The following SKIL variants were observed in gnomAD, a reference collection of about 807,000 sequenced individuals.
SKIL encodes ski-like protein.
In SKIL, 20 loss-of-function variants were observed where a neutral mutation model predicts 69.6. The ratio of observed to expected loss-of-function variants is 0.29; its 90% CI spans 0.20 to 0.42. The LOEUF (loss-of-function observed/expected upper bound fraction) is 0.42. Among genes scored for constraint, SKIL ranks in the 10% least tolerant of loss-of-function variants. The probability of loss-of-function intolerance (pLI) is 1.00; values close to 1 mark genes in which losing one functional copy is unlikely to be tolerated. For synonymous variants in SKIL, 310 were observed against 279.9 expected (o/e 1.11, Z -1.08); for missense variants, 745 against 783.1 (o/e 0.95, Z 0.58).
chr3:170,369,975 A>T (rs1302796635), intron 2 of SKIL, among the ~76,000 whole-genome samples: 4 of 151,952 alleles, frequency 2.6e-5, no homozygotes, highest in Non-Finnish European at 5.9e-5. Flanking sequence ...GCGGTGGCTC[A>T]CGCCTGTAGT....
intron 2 of SKIL, among the ~76,000 whole-genome samples, chr3:170,363,214 T>G (rs1736331299): frequency 6.6e-6 from 1 of 152,202 alleles, no homozygotes; most frequent in Non-Finnish European, 1.5e-5. Context: ...TAAAGCATAT[T>G]AAATGACTGA....
At chr3:170,375,490 T>A (rs890179759) in intron 2 of SKIL, among the ~76,000 whole-genome samples, 14 of 152,248 alleles carry the variant, frequency 9.2e-5, no homozygotes, top group Admixed American at 9.2e-4. Flanking sequence ...TAGAATTTGC[T>A]TGATATTCTG....
At chr3:170,381,102 C>T (rs1335511426) in intron 2 of SKIL, 142 bp from the exon 3 acceptor site, 28 of 531,866 alleles carry the variant, frequency 5.3e-5, no homozygotes, top group Admixed American at 2.9e-5. Context: ...GCTGGGAATA[C>T]AGGTGTGAAC....
intron 6 of SKIL, among the ~76,000 whole-genome samples, chr3:170,392,035 C>T (rs1737951766): frequency 6.6e-6 from 1 of 152,188 alleles, no homozygotes; most frequent in Admixed American, 6.5e-5. Context: ...GCATAATGAA[C>T]ATGAACATGC....
intron 2 of SKIL, among the ~76,000 whole-genome samples, chr3:170,376,369 T>G (rs1577426938): frequency 6.6e-6 from 1 of 152,304 alleles, no homozygotes; most frequent in Non-Finnish European, 1.5e-5. Context: ...TAAATTTTAC[T>G]GATTTGTTAG....
In SKIL at chr3:170,390,365, GGAT is replaced by G. The variant is rs769607379; in HGVS notation, c.1576_1578del (p.Asp526del). On this transcript the variant is annotated inframe_deletion, in exon 5 of 7. Transcript: ENST00000259119. Reference sequence around the variant, plus strand: ...TTCTTGTGAAAGATGTCATTTGTGAGGATGATAAGGGAAAAATCATGGAAGAAG... The same window carrying G: ...TTCTTGTGAAAGATGTCATTTGTGAGGATAAGGGAAAAATCATGGAAGAAG... 9 of 1,613,750 alleles carry G rather than the reference GGAT, an allele frequency of 5.6e-6. No homozygotes were observed. The highest frequency in any genetic ancestry group is 2.2e-5 in the East Asian group (1 of 44,884).
chr3:170,395,010 TTC>T lies in SKIL; in HGVS notation c.*2595_*2596del, dbSNP rs201360710. 21 of 152,296 alleles carry T rather than the reference TTC, an allele frequency of 1.4e-4. No individual in the cohort carries two copies. In the East Asian group the frequency reaches 2.9e-3, roughly 21 times the overall value. The allele number at this position is 152,296 out of a possible 1,614,324, so 9.4% of individuals were successfully genotyped here. On this transcript the variant is annotated 3_prime_UTR_variant, in exon 7 of 7. Coordinates refer to ENST00000259119, the MANE Select transcript of SKIL (RefSeq NM_005414.5). Reference sequence around the variant, plus strand: ...TTTTTCCTCAGACTTCAAAAAATAATTCTTTTAAGAAAAAATGTAAAAATGTT... The same window carrying T: ...TTTTTCCTCAGACTTCAAAAAATAATTTTTAAGAAAAAATGTAAAAATGTT...
intron 1 of SKIL, chr3:170,358,457 C>G (rs1371465667): frequency 6.6e-6 from 1 of 152,516 alleles, no homozygotes; most frequent in Non-Finnish European, 1.5e-5. Flanking sequence ...CTCCCTCTCT[C>G]CGGGTTAGAG....
In SKIL at chr3:170,361,224, T is replaced by G; in HGVS notation, c.893T>G (p.Phe298Cys). 1 of 1,614,154 alleles carries G rather than the reference T, an allele frequency of 6.2e-7. No homozygotes were observed. Among genetic ancestry groups the G allele is most frequent in the Non-Finnish European group, 8.5e-7 (1 of 1,180,018 alleles). The change falls in exon 2 of 7, where the codon TTT (phenylalanine) becomes TGT (cysteine). Residue 298 changes from phenylalanine to cysteine, a missense_variant. Coordinates refer to ENST00000259119, the MANE Select transcript of SKIL (RefSeq NM_005414.5). ...CIQCLECCGM[F>C]APQTFVMHSH... is the part of the protein sequence containing the mutation. ...CAATGTCTGGAGTGTTGTGGAATGT[T>G]TGCACCCCAGACGTTTGTGATGCAT...
intron 4 of SKIL, 64 bp downstream of exon 4, chr3:170,384,829 T>G (rs1308529399): frequency 3.5e-6 from 3 of 862,180 alleles, no homozygotes; most frequent in Non-Finnish European, 5.4e-6. Context: ...TTGAGCATTT[T>G]CAAACAGGCT....
chr3:170,390,413 A>C lies in SKIL; in HGVS notation c.1620A>C (p.Lys540Asn). 6.2e-7 allele frequency: 1 copy of C among 1,613,236 alleles called. No individual in the cohort carries two copies. The highest frequency in any genetic ancestry group is 8.5e-7 in the Non-Finnish European group (1 of 1,179,160). The part of the protein sequence containing the change: ...IMEEVMRTYL[K>N]QQEKLNLILQ... ...AAGAAGTAATGAGAACTTATTTAAAACAACAGGAAAAACTAAACTTGATTT... is the reference window on the plus strand; with the variant it reads ...AAGAAGTAATGAGAACTTATTTAAACCAACAGGAAAAACTAAACTTGATTT... Residue 540 changes from lysine to asparagine, a missense_variant, in exon 5 of 7, where the codon AAA becomes AAC. Lys to Asn is a moderately conservative substitution (Grantham distance 94). Coordinates refer to ENST00000259119, the MANE Select transcript of SKIL (RefSeq NM_005414.5).
rs1577453982 is a variant in SKIL, at chr3:170,394,380, T to C, written c.*1963T>C. The stretch of plus-strand genomic sequence containing the variant: ...AAGGAAAAATCAGATATTTATGATA[T>C]AGTTTTATTTTAATTTTGAATTATT... On this transcript the variant is annotated 3_prime_UTR_variant, in exon 7 of 7. Coordinates refer to ENST00000259119, the MANE Select transcript of SKIL (RefSeq NM_005414.5). 1 of 152,148 alleles carries C rather than the reference T, an allele frequency of 6.6e-6. No individual in the cohort carries two copies. The highest frequency in any genetic ancestry group is 1.9e-4 in the East Asian group (1 of 5,204). The allele number at this position is 152,148 out of a possible 1,614,324, so 9.4% of individuals were successfully genotyped here.
Position 170,360,622 on chromosome 3 carries a change from T to G in SKIL, c.291T>G (p.Ser97Arg). 1 of 1,614,224 alleles carries G rather than the reference T, an allele frequency of 6.2e-7. No homozygotes were observed. ...CATTGGCACAATTCCATTTAAGTAG[T>G]CAGAGCTCGCTGGGTGGACCAGCAG... is the stretch of plus-strand genomic sequence containing the variant. ...KHTLAQFHLSSQSSLGGPAAF... is the reference protein window; with the variant it reads ...KHTLAQFHLSRQSSLGGPAAF... The change falls in exon 2 of 7, where the codon AGT becomes AGG. Residue 97 changes from serine (S) to arginine (R), a missense_variant. Transcript: ENST00000259119.
At chr3:170,380,749 G>T (rs1204014683) in intron 2 of SKIL, among the ~76,000 whole-genome samples, 1 of 152,140 alleles carries the variant, frequency 6.6e-6, no homozygotes, top group Non-Finnish European at 1.5e-5. Flanking sequence ...CTGTTCTTGT[G>T]ATGGGATAGT....
intron 2 of SKIL, among the ~76,000 whole-genome samples, chr3:170,371,837 TG>T (rs1277701483): frequency 2.0e-5 from 3 of 152,156 alleles, no homozygotes; most frequent in African/African-American, 7.2e-5. Flanking sequence ...ATCAATTTAG[TG>T]GGTCACCAGC....
intron 4 of SKIL, among the ~76,000 whole-genome samples, chr3:170,389,270 T>TTGCATGTGG (rs1326673051): frequency 6.6e-5 from 10 of 152,106 alleles, no homozygotes; most frequent in Non-Finnish European, 1.5e-4. Flanking sequence ...CCTTATTCTT[T>TTGCATGTGG]TGCATGTGGA....
At chr3:170,369,720 C>T (rs960584525) in intron 2 of SKIL, among the ~76,000 whole-genome samples, 5 of 151,996 alleles carry the variant, frequency 3.3e-5, no homozygotes, top group African/African-American at 1.2e-4. Context: ...TAATTTTAAT[C>T]CCTTTAGAAT....
At chr3:170,379,407 T>C (rs1737209295) in intron 2 of SKIL, among the ~76,000 whole-genome samples, 1 of 152,180 alleles carries the variant, frequency 6.6e-6, no homozygotes, top group Admixed American at 6.6e-5. Context: ...CCTATTTTTG[T>C]TGGTCACCTT....
At position 170,393,001 on chromosome 3, in the gene SKIL, A is replaced by G. The variant is rs183704740; in HGVS notation, c.*584A>G. ...CCCTAGGAGGAATTTTACTGAGGTTATAGCATACCCCATGAGCACAGTGGG... is the reference window on the plus strand; with the variant it reads ...CCCTAGGAGGAATTTTACTGAGGTTGTAGCATACCCCATGAGCACAGTGGG... On this transcript the variant is annotated 3_prime_UTR_variant, in exon 7 of 7. Coordinates refer to ENST00000259119, the MANE Select transcript of SKIL (RefSeq NM_005414.5). 1 of 152,338 alleles carries G rather than the reference A, an allele frequency of 6.6e-6. No homozygotes were observed. Among genetic ancestry groups the G allele is most frequent in the African/African-American group, 2.4e-5 (1 of 41,586 alleles). The allele number at this position is 152,338 out of a possible 1,614,324, so 9.4% of individuals were successfully genotyped here.
Sources: allele counts gnomAD v4.1 joint callset (sites outside exome capture counted in the v4.1 genomes callset), GRCh38; gene constraint gnomAD v4.1.1; transcripts MANE v1.5; gene names NCBI Gene and HGNC (gene_info 2026-07-23, HGNC 2026-07-21).